The following KDM4C variants were observed in gnomAD, a reference collection of about 807,000 sequenced individuals.
KDM4C encodes lysine-specific demethylase 4C.
A neutral mutation model predicts 129.3 loss-of-function variants in KDM4C; 81 were observed. The observed-to-expected ratio is 0.63, with a 90% CI of 0.52 to 0.75. The LOEUF is 0.75. Among genes scored for constraint, KDM4C ranks in the 30% least tolerant of loss-of-function variants. The pLI is 0.00. For synonymous variants in KDM4C, 573 were observed against 456.1 expected (o/e 1.26, Z -3.26); for missense variants, 1,457 against 1,304.0 (o/e 1.12, Z -1.81).
intron 17 of KDM4C, among the ~76,000 whole-genome samples, chr9:7,081,984 C>T (rs1033256282): frequency 1.3e-5 from 2 of 152,006 alleles, no homozygotes; most frequent in African/African-American, 2.4e-5. Flanking sequence ...TTTTGGTGGT[C>T]GATATCTAGA....
intron 12 of KDM4C, among the ~76,000 whole-genome samples, chr9:7,007,390 G>C (rs1441571959): frequency 3.3e-5 from 5 of 152,156 alleles, no homozygotes; most frequent in Admixed American, 2.0e-4. Flanking sequence ...AAGTGCTCTT[G>C]GCATAAAATC....
intron 1 of KDM4C, among the ~76,000 whole-genome samples, chr9:6,764,858 A>G (rs1464217495): frequency 6.6e-6 from 1 of 152,178 alleles, no homozygotes; most frequent in African/African-American, 2.4e-5. Context: ...TAACAAATGT[A>G]ACTCTGATCT....
chr9:6,944,862 A>G (rs1192743505), intron 8 of KDM4C, among the ~76,000 whole-genome samples: 1 of 152,100 alleles, frequency 6.6e-6, no homozygotes, highest in Non-Finnish European at 1.5e-5. Context: ...TTTTAGCTAT[A>G]CAACAAGGGG....
chr9:6,835,287 G>C, intron 4 of KDM4C: 2 of 910,582 alleles, frequency 2.2e-6, no homozygotes, highest in Non-Finnish European at 3.7e-6. Flanking sequence ...AAACTACCTT[G>C]AACTCCATTA....
rs10975886 is a variant in KDM4C, at chr9:6,903,165, A to C, written c.921+9933A>C. Among the ~76,000 whole-genome samples, 867 of 152,266 alleles carry C rather than the reference A, an allele frequency of 5.7e-3. 10 individuals are homozygous for C. Among genetic ancestry groups the C allele is most frequent in the African/African-American group, 0.02 (829 of 41,550 alleles). On this transcript the variant is annotated intron_variant, in intron 8 of 21. Coordinates refer to ENST00000381309, the MANE Select transcript of KDM4C (RefSeq NM_015061.6). ...AAAAGGTATTTTTGTAAGGCCTGAT[A>C]ATCATTTTCATTGATTTTTGGCAGC... is the stretch of plus-strand genomic sequence containing the variant.
At chr9:6,863,551 C>A (rs984550610) in intron 5 of KDM4C, among the ~76,000 whole-genome samples, 1 of 151,998 alleles carries the variant, frequency 6.6e-6, no homozygotes, top group African/African-American at 2.4e-5. Context: ...AATCCCAGCA[C>A]TTTGGGAGGC....
chr9:6,751,967 A>G (rs1163291336), intron 1 of KDM4C, among the ~76,000 whole-genome samples: 1 of 152,158 alleles, frequency 6.6e-6, no homozygotes, highest in East Asian at 1.9e-4. Context: ...GCCCATGACA[A>G]TTAGGTTCTT....
At chr9:7,135,362 G>T (rs2129716052) in intron 19 of KDM4C, among the ~76,000 whole-genome samples, 1 of 152,258 alleles carries the variant, frequency 6.6e-6, no homozygotes, top group East Asian at 1.9e-4. Context: ...CAGGTTCCTG[G>T]CACTTCCTTC....
At chr9:7,109,873 C>A (rs939056570) in intron 18 of KDM4C, among the ~76,000 whole-genome samples, 1 of 152,150 alleles carries the variant, frequency 6.6e-6, no homozygotes, top group Non-Finnish European at 1.5e-5. Flanking sequence ...GTGTCAAGGG[C>A]AGTCCAGGTA....
At chr9:7,052,894 A>AGAGAGAGAGAGAGAGAGAGCGAGAGC (rs1339242817) in intron 17 of KDM4C, among the ~76,000 whole-genome samples, 7 of 105,498 alleles carry the variant, frequency 6.6e-5, no homozygotes, top group South Asian at 3.8e-4. Flanking sequence ...AGAGAGAGAG[A>AGAGAGAGAGAGAGAGAGAGCGAGAGC]GAGAGAGCGA....
At chr9:7,124,000 T>C (rs998759054) in intron 18 of KDM4C, among the ~76,000 whole-genome samples, 5 of 152,208 alleles carry the variant, frequency 3.3e-5, no homozygotes, top group Non-Finnish European at 5.9e-5. Context: ...CTTCATTTCC[T>C]AGATGAAGCC....
At chr9:6,912,937 C>T (rs1050792847) in intron 8 of KDM4C, among the ~76,000 whole-genome samples, 9 of 151,688 alleles carry the variant, frequency 5.9e-5, no homozygotes, top group Non-Finnish European at 1.2e-4. Context: ...TGGAGTTTTT[C>T]GTATGGTACC....
intron 4 of KDM4C, among the ~76,000 whole-genome samples, chr9:6,847,612 G>C (rs1000257259): frequency 6.6e-6 from 1 of 152,084 alleles, no homozygotes; most frequent in Non-Finnish European, 1.5e-5. Flanking sequence ...GGATGGTCTC[G>C]ATCTCCTGAC....
intron 19 of KDM4C, among the ~76,000 whole-genome samples, chr9:7,160,617 G>C (rs1843684207): frequency 6.6e-6 from 1 of 152,168 alleles, no homozygotes; most frequent in Non-Finnish European, 1.5e-5. Context: ...GAGTTTGCTG[G>C]AGGTCCACTC....
intron 1 of KDM4C, among the ~76,000 whole-genome samples, chr9:6,759,637 C>T (rs529042663): frequency 1.3e-5 from 2 of 152,104 alleles, no homozygotes; most frequent in African/African-American, 2.4e-5. Context: ...TATTAACAGA[C>T]TTTAGTCAGT....
intron 8 of KDM4C, among the ~76,000 whole-genome samples, chr9:6,908,049 G>C (rs924106035): frequency 2.6e-5 from 4 of 152,094 alleles, no homozygotes; most frequent in Non-Finnish European, 5.9e-5. Flanking sequence ...CCTTGACCTA[G>C]AGTCTTAGAA....
At chr9:7,141,611 C>A (rs181521964) in intron 19 of KDM4C, among the ~76,000 whole-genome samples, 35 of 152,146 alleles carry the variant, frequency 2.3e-4, no homozygotes, top group Non-Finnish European at 4.7e-4. Flanking sequence ...TGGAAGGTGA[C>A]ACCTGTCATT....
In KDM4C at chr9:7,103,824, A is replaced by T. The variant is rs1311412227; in HGVS notation, c.2564A>T (p.Tyr855Phe). ...CTGATGGAGCCTGATGACTGGCCTT[A>T]TGTGGTGAACATTACATGCTTTCGA... The part of the protein sequence containing the change: ...GVLMEPDDWP[Y>F]VVNITCFRHK... The change falls in exon 18 of 22, where the codon TAT becomes TTT. Residue 855 changes from tyrosine to phenylalanine, a missense_variant. Tyr to Phe is a conservative substitution (Grantham distance 22). Coordinates refer to ENST00000381309, the MANE Select transcript of KDM4C (RefSeq NM_015061.6). 6.2e-7 allele frequency: 1 copy of T among 1,613,966 alleles called. No individual in the cohort carries two copies. The highest frequency in any genetic ancestry group is 1.7e-5 in the Admixed American group (1 of 59,994).
At chr9:7,140,753 G>C (rs1351833254) in intron 19 of KDM4C, among the ~76,000 whole-genome samples, 1 of 152,178 alleles carries the variant, frequency 6.6e-6, no homozygotes, top group African/African-American at 2.4e-5. Flanking sequence ...AAATTCGAAT[G>C]GTTTTTGATC....
Sources: allele counts gnomAD v4.1 joint callset (sites outside exome capture counted in the v4.1 genomes callset), GRCh38; gene constraint gnomAD v4.1.1; transcripts MANE v1.5; gene names NCBI Gene and HGNC (gene_info 2026-07-23, HGNC 2026-07-21).